Variants in F2R observed in about 807,000 individuals in gnomAD.
The protein encoded by F2R is coagulation factor II thrombin receptor.
Under a neutral mutation model 18.3 loss-of-function variants are expected in F2R, and 12 were observed. The ratio of observed to expected loss-of-function variants is 0.66; its 90% CI spans 0.42 to 1.06. The LOEUF is 1.06. Among genes scored for constraint, F2R ranks in the 50% least tolerant of loss-of-function variants. F2R has a pLI of 0.00. For missense variants in F2R, 438 were observed against 530.8 expected (o/e 0.83, Z 1.72); for synonymous variants, 210 against 219.9 (o/e 0.95, Z 0.40).
In F2R at chr5:76,732,785, A is replaced by G; in HGVS notation, c.560A>G (p.Tyr187Cys). 6.2e-7 allele frequency: 1 copy of G among 1,614,136 alleles called. No homozygotes were observed. Among genetic ancestry groups the G allele is most frequent in the Non-Finnish European group, 8.5e-7 (1 of 1,180,042 alleles). Reference sequence around the variant, plus strand: ...ACTGCAGCATTTTACTGTAACATGTACGCCTCTATCTTGCTCATGACAGTC... The same window carrying G: ...ACTGCAGCATTTTACTGTAACATGTGCGCCTCTATCTTGCTCATGACAGTC... ...FVTAAFYCNM[Y>C]ASILLMTVIS... The change falls in exon 2 of 2, where the codon TAC becomes TGC. Residue 187 changes from tyrosine (Y) to cysteine (C), a missense_variant. Coordinates refer to ENST00000319211, the MANE Select transcript of F2R (RefSeq NM_001992.5).
chr5:76,721,488 G>C (rs1460794006), intron 1 of F2R, among the ~76,000 whole-genome samples: 1 of 152,206 alleles, frequency 6.6e-6, no homozygotes, highest in African/African-American at 2.4e-5. Context: ...GCTTTCAAAA[G>C]TAAGTGGCCT....
intron 1 of F2R, among the ~76,000 whole-genome samples, chr5:76,730,306 C>A (rs940101584): frequency 6.6e-6 from 1 of 152,196 alleles, no homozygotes; most frequent in Admixed American, 6.5e-5. Flanking sequence ...AGGGCTCCCC[C>A]TCTCTGACTT....
intron 1 of F2R, 89 bp downstream of exon 1, chr5:76,716,484 G>A: frequency 8.7e-7 from 1 of 1,151,264 alleles, no homozygotes; most frequent in Non-Finnish European, 1.2e-6. Flanking sequence ...CCTCACCCCT[G>A]CCTCAGTTTC....
Position 76,716,172 on chromosome 5 carries a change from C to A in F2R, c.-136C>A. 1 of 600,244 alleles carries A rather than the reference C, an allele frequency of 1.7e-6. No individual in the cohort carries two copies. Among genetic ancestry groups the A allele is most frequent in the Non-Finnish European group, 2.5e-6 (1 of 397,298 alleles). 37.2% of individuals were successfully genotyped at this position (600,244 alleles called of 1,614,324 possible). ...CGCCGAGGGTCGCTTGGACCCTGAT[C>A]TTACCCGTGGGCACCCTGCGCTCTG... On this transcript the variant is annotated 5_prime_UTR_variant, in exon 1 of 2. Coordinates refer to ENST00000319211, the MANE Select transcript of F2R (RefSeq NM_001992.5).
At chr5:76,722,332 T>G (rs969776271) in intron 1 of F2R, among the ~76,000 whole-genome samples, 1 of 152,128 alleles carries the variant, frequency 6.6e-6, no homozygotes, top group African/African-American at 2.4e-5. Context: ...ACCTGTAACT[T>G]TTCTTGGAGA....
rs181652468 is a variant in F2R at position 76,716,504 on chromosome 5, C to T, written c.88+109C>T. 28 of 986,436 alleles carry T rather than the reference C, an allele frequency of 2.8e-5. No homozygotes were observed. In the African/African-American group the frequency reaches 4.7e-4, roughly 17 times the overall value. The allele number at this position is 986,436 out of a possible 1,614,324, so 61.1% of individuals were successfully genotyped here. ...CCCCTGCCTCAGTTTCCTCCGAAAG[C>T]CAAACTGGCATTTGGGCTGAGATCT... On this transcript the variant is annotated intron_variant, in intron 1 of 1. Coordinates refer to ENST00000319211, the MANE Select transcript of F2R (RefSeq NM_001992.5).
chr5:76,733,606 C>T lies in F2R; in HGVS notation c.*103C>T, dbSNP rs967742054. 1.4e-5 allele frequency: 13 copies of T among 905,334 alleles called. No homozygotes were observed. The highest frequency in any genetic ancestry group is 2.1e-5 in the Non-Finnish European group (13 of 611,896). The allele number at this position is 905,334 out of a possible 1,614,324, so 56.1% of individuals were successfully genotyped here. On this transcript the variant is annotated 3_prime_UTR_variant, in exon 2 of 2. Transcript: ENST00000319211. Reference sequence around the variant, plus strand: ...AACTTTATTGATTCACCTCCTAAAACAACAGATGTACGACTTGCATACCTG... The same window carrying T: ...AACTTTATTGATTCACCTCCTAAAATAACAGATGTACGACTTGCATACCTG...
intron 1 of F2R, among the ~76,000 whole-genome samples, chr5:76,729,964 A>G (rs760115857): frequency 3.3e-5 from 5 of 152,304 alleles, no homozygotes; most frequent in East Asian, 1.9e-4. Context: ...CTGCCATCCA[A>G]GTAAGATGTG....
At chr5:76,732,267 A>T in intron 1 of F2R, 47 bp from the exon 2 acceptor site, 1 of 1,432,624 alleles carries the variant, frequency 7.0e-7, no homozygotes, top group Non-Finnish European at 9.4e-7. Context: ...TGCCTTGTTG[A>T]TGCGTTCACT....
chr5:76,725,737 A>G (rs1479623699), intron 1 of F2R, among the ~76,000 whole-genome samples: 2 of 152,208 alleles, frequency 1.3e-5, no homozygotes, highest in Non-Finnish European at 2.9e-5. Flanking sequence ...CCAAGGGATT[A>G]TACATTCTTC....
At chr5:76,721,053 T>G (rs1748443778) in intron 1 of F2R, among the ~76,000 whole-genome samples, 1 of 152,214 alleles carries the variant, frequency 6.6e-6, no homozygotes, top group Admixed American at 6.5e-5. Context: ...GCGATCCACC[T>G]ACCTTGGCCT....
Position 76,733,690 on chromosome 5 carries a change from G to A in F2R, c.*187G>A, listed in dbSNP as rs1160795226. On this transcript the variant is annotated 3_prime_UTR_variant, in exon 2 of 2. Coordinates refer to ENST00000319211, the MANE Select transcript of F2R (RefSeq NM_001992.5). ...TCAATTACCAGAAAGATAACAGGAC[G>A]AGATGACGGTGTTATTCCAAGGGAA... 17 of 582,928 alleles carry A rather than the reference G, an allele frequency of 2.9e-5. No homozygotes were observed. In the Admixed American group the frequency reaches 4.9e-4, roughly 17 times the overall value. The allele number at this position is 582,928 out of a possible 1,614,324, so 36.1% of individuals were successfully genotyped here.
At chr5:76,731,475 G>GA (rs1273714040) in intron 1 of F2R, among the ~76,000 whole-genome samples, 21 of 143,838 alleles carry the variant, frequency 1.5e-4, no homozygotes, top group Middle Eastern at 7.4e-3. Flanking sequence ...CTGTGTCTCA[G>GA]AAAAAAAAAG....
chr5:76,731,661 C>T (rs1172353937), intron 1 of F2R, among the ~76,000 whole-genome samples: 3 of 152,028 alleles, frequency 2.0e-5, no homozygotes, highest in Non-Finnish European at 4.4e-5. Context: ...TCCCAAGTAG[C>T]TGGGATTACA....
At chr5:76,726,754 A>G (rs534102668) in intron 1 of F2R, among the ~76,000 whole-genome samples, 1 of 152,278 alleles carries the variant, frequency 6.6e-6, no homozygotes, top group African/African-American at 2.4e-5. Context: ...TGTTTTTGTG[A>G]TATTAAAGTG....
At chr5:76,722,428 T>C (rs528775907) in intron 1 of F2R, among the ~76,000 whole-genome samples, 14 of 152,348 alleles carry the variant, frequency 9.2e-5, no homozygotes, top group Admixed American at 9.1e-4. Context: ...CGTCAGGCTC[T>C]GGCCTCCAGG....
intron 1 of F2R, among the ~76,000 whole-genome samples, chr5:76,723,591 A>G (rs998126106): frequency 2.0e-5 from 3 of 152,246 alleles, no homozygotes; most frequent in African/African-American, 7.2e-5. Flanking sequence ...TCATACACCA[A>G]TGCTTCCATA....
In F2R at chr5:76,733,570, G is replaced by A; in HGVS notation, c.*67G>A. On this transcript the variant is annotated 3_prime_UTR_variant, in exon 2 of 2. Transcript: ENST00000319211. ...AGTGAATAACCTGAGGATTCTATTA[G>A]TCCCCACCCAAACTTTATTGATTCA... is the stretch of plus-strand genomic sequence containing the variant. The A allele has an allele frequency of 7.8e-7, 1 of 1,277,580 alleles. No individual in the cohort carries two copies. The highest frequency in any genetic ancestry group is 2.7e-5 in the Admixed American group (1 of 37,332). The allele number at this position is 1,277,580 out of a possible 1,614,324, so 79.1% of individuals were successfully genotyped here.
intron 1 of F2R, among the ~76,000 whole-genome samples, chr5:76,723,575 G>GT (rs901113436): frequency 3.3e-5 from 5 of 152,172 alleles, no homozygotes; most frequent in Non-Finnish European, 7.3e-5. Flanking sequence ...AGATGGTAAG[G>GT]TTTTTTCATA....
Sources: allele counts gnomAD v4.1 joint callset (sites outside exome capture counted in the v4.1 genomes callset), GRCh38; gene constraint gnomAD v4.1.1; transcripts MANE v1.5; gene names NCBI Gene and HGNC (gene_info 2026-07-23, HGNC 2026-07-21).